The following EBF4 variants were observed in gnomAD, a reference collection of about 807,000 sequenced individuals.
EBF4 encodes transcription factor COE4.
A neutral mutation model predicts 67.1 loss-of-function variants in EBF4; 34 were observed. The ratio of observed to expected loss-of-function variants is 0.51; its 90% CI spans 0.39 to 0.67. The LOEUF (loss-of-function observed/expected upper bound fraction) is 0.67. Among genes scored for constraint, EBF4 ranks in the 30% least tolerant of loss-of-function variants. EBF4 has a pLI of 0.00. For synonymous variants in EBF4, 387 were observed against 377.7 expected, an observed-to-expected ratio of 1.02 and a Z score of -0.29; for missense variants, 837 against 873.3, an observed-to-expected ratio of 0.96 and a Z score of 0.52.
At chr20:2,734,885 A>T (rs922389442) in intron 6 of EBF4, among the ~76,000 whole-genome samples, 17 of 152,174 alleles carry the variant, frequency 1.1e-4, no homozygotes, top group African/African-American at 2.7e-4. Context: ...GGGCCTTGGG[A>T]TAAACCAGAG....
chr20:2,753,791 G>A (rs891145263), intron 14 of EBF4, among the ~76,000 whole-genome samples: 5 of 152,210 alleles, frequency 3.3e-5, no homozygotes, highest in Admixed American at 3.3e-4. Flanking sequence ...TCTGGCCTGG[G>A]CTCAACTTCT....
chr20:2,752,471 CG>C lies in EBF4; in HGVS notation c.1469del (p.Gly490AlafsTer57). On this transcript the variant is annotated frameshift_variant, in exon 14 of 17. Transcript: ENST00000609451. LOFTEE classifies it high-confidence loss of function. ...GCTGGCCTGGGCGGCTACGGCGCGCCGGGCGTGGCCGGCCTCGGCGTGCCTG... is the reference window on the plus strand; with the variant it reads ...GCTGGCCTGGGCGGCTACGGCGCGCCGGCGTGGCCGGCCTCGGCGTGCCTG... 1 of 1,265,522 alleles carries C rather than the reference CG, an allele frequency of 7.9e-7. No homozygotes were observed. The highest frequency in any genetic ancestry group is 9.9e-7 in the Non-Finnish European group (1 of 1,006,040). 78.4% of individuals were successfully genotyped at this position (1,265,522 alleles called of 1,614,324 possible).
chr20:2,697,971 G>A lies in EBF4; in HGVS notation c.137+4189G>A, dbSNP rs113099223. 3.3e-3 allele frequency among the ~76,000 whole-genome samples: 502 copies of A among 152,326 alleles called. 2 individuals carry two copies. The highest frequency in any genetic ancestry group is 0.012 in the African/African-American group (479 of 41,572). ...CTTTCCTGTAAGCAGCTGCAGGCTAGCATCCCTGCTAGGAAATGCTTTTGT... is the reference window on the plus strand; with the variant it reads ...CTTTCCTGTAAGCAGCTGCAGGCTAACATCCCTGCTAGGAAATGCTTTTGT... On this transcript the variant is annotated intron_variant, in intron 1 of 16. Transcript: ENST00000609451.
At chr20:2,718,470 GAT>G (rs2087639286) in intron 6 of EBF4, among the ~76,000 whole-genome samples, 1 of 152,162 alleles carries the variant, frequency 6.6e-6, no homozygotes, top group South Asian at 2.1e-4. Context: ...TTCTCTAATA[GAT>G]ATAGAAGGTT....
intron 6 of EBF4, among the ~76,000 whole-genome samples, chr20:2,736,710 A>C (rs917948215): frequency 2.0e-5 from 3 of 151,230 alleles, no homozygotes; most frequent in African/African-American, 7.3e-5. Flanking sequence ...ATTCCCCCCA[A>C]CCCCCACCAC....
intron 6 of EBF4, among the ~76,000 whole-genome samples, chr20:2,714,467 T>C (rs1055711360): frequency 3.3e-5 from 5 of 152,124 alleles, no homozygotes; most frequent in African/African-American, 1.2e-4. Flanking sequence ...TCCACTCACC[T>C]TAGCCTCTGA....
chr20:2,725,908 T>G (rs1375078500), intron 6 of EBF4, among the ~76,000 whole-genome samples: 3 of 152,220 alleles, frequency 2.0e-5, no homozygotes, highest in Non-Finnish European at 4.4e-5. Flanking sequence ...ATTTTTGTTT[T>G]TTAGTATCTT....
upstream of EBF4, among the ~76,000 whole-genome samples, chr20:2,693,405 C>T (rs561477226): frequency 1.1e-4 from 16 of 151,826 alleles, 1 homozygote; most frequent in South Asian, 3.1e-3. The surrounding 1 kb of genome is among the most constrained non-coding windows in gnomAD (Gnocchi z 4.6). Flanking sequence ...GCGCTCAGGC[C>T]GCGGGGGAAT....
intron 1 of EBF4, among the ~76,000 whole-genome samples, chr20:2,698,872 G>C (rs1600197058): frequency 6.6e-6 from 1 of 152,150 alleles, no homozygotes; most frequent in Admixed American, 6.5e-5. Flanking sequence ...GGGGAGAAGG[G>C]AAGGCAAGAC....
chr20:2,749,510 C>T (rs941234105), exon 8 of EBF4: 96 of 1,546,256 alleles, frequency 6.2e-5, no homozygotes, highest in Admixed American at 9.9e-5. Context: ...CGCCTGGACC[C>T]CTCCGAAGGT....
chr20:2,744,574 C>T (rs1476628736), intron 6 of EBF4, among the ~76,000 whole-genome samples: 5 of 142,776 alleles, frequency 3.5e-5, no homozygotes, highest in African/African-American at 1.3e-4. Flanking sequence ...TCACTGCAAC[C>T]TCCACCTCCC....
rs548339293 is a variant in EBF4, at chr20:2,716,777, A to G, written c.557+7135A>G. The stretch of plus-strand genomic sequence containing the variant: ...GTAGTACCAGCTATGTCCTATATCA[A>G]GTTTTCTGCTATTTGTGGGTCTGTT... On this transcript the variant is annotated intron_variant, in intron 6 of 16. Coordinates refer to ENST00000609451, the Ensembl canonical transcript of EBF4. Among the ~76,000 whole-genome samples the G allele has an allele frequency of 5.3e-5, 8 of 152,212 alleles. No individual in the cohort carries two copies. In the East Asian group the frequency reaches 1.5e-3, roughly 29 times the overall value.
intron 6 of EBF4, among the ~76,000 whole-genome samples, chr20:2,742,670 T>C (rs909538198): frequency 1.3e-5 from 2 of 152,068 alleles, no homozygotes; most frequent in African/African-American, 4.8e-5. Context: ...GCTGTGGACT[T>C]GGGCTCACTT....
In EBF4 at chr20:2,708,035, T is replaced by C. The variant is rs1347890583; in HGVS notation, c.488+15T>C. ...ATCATGTGCAGGTGAGATGGCCATG[T>C]CACTCACACCTCACCCCTCTGCCAA... is the stretch of plus-strand genomic sequence containing the variant. On this transcript the variant is annotated intron_variant, in intron 5 of 16. Transcript: ENST00000609451. The C allele has an allele frequency of 6.2e-7, 1 of 1,601,614 alleles. No individual in the cohort carries two copies. The highest frequency in any genetic ancestry group is 1.1e-5 in the South Asian group (1 of 89,396).
exon 14 of EBF4, chr20:2,752,526 C>A: frequency 8.0e-7 from 1 of 1,251,516 alleles, no homozygotes; most frequent in South Asian, 3.3e-5. Context: ...ATGGCTCCAC[C>A]GCCACCTCGC....
At chr20:2,734,385 G>T (rs954291479) in intron 6 of EBF4, among the ~76,000 whole-genome samples, 2 of 152,162 alleles carry the variant, frequency 1.3e-5, no homozygotes, top group Admixed American at 1.3e-4. Context: ...TTCAGCCTGG[G>T]CAACAGAGCA....
intron 1 of EBF4, among the ~76,000 whole-genome samples, chr20:2,701,742 G>A (rs1310094830): frequency 6.6e-6 from 1 of 152,180 alleles, no homozygotes; most frequent in Non-Finnish European, 1.5e-5. Flanking sequence ...AGCCTTCCAG[G>A]CCCCTTCGCT....
chr20:2,711,924 G>A (rs967542298), intron 6 of EBF4, among the ~76,000 whole-genome samples: 7 of 152,362 alleles, frequency 4.6e-5, no homozygotes, highest in Non-Finnish European at 8.8e-5. Context: ...CCTCAAGGAA[G>A]TAAGAGAGTG....
chr20:2,716,790 T>C (rs1398974732), intron 6 of EBF4, among the ~76,000 whole-genome samples: 2 of 152,238 alleles, frequency 1.3e-5, no homozygotes, highest in Non-Finnish European at 2.9e-5. Flanking sequence ...TTTCTGCTAT[T>C]TGTGGGTCTG....
Sources: gnomAD v4.1 joint callset for allele counts (sites outside exome capture counted in the v4.1 genomes callset) on GRCh38, gnomAD v4.1.1 for gene constraint, Gnocchi (gnomAD v3.1) non-coding constraint, MANE v1.5 for transcripts, NCBI Gene and HGNC (gene_info 2026-07-23, HGNC 2026-07-21) for gene names.